Variants in FILIP1L observed in about 807,000 individuals in gnomAD.
The protein encoded by FILIP1L is filamin A-interacting protein 1-like.
A neutral mutation model predicts 96.6 loss-of-function variants in FILIP1L; 55 were observed. The observed-to-expected ratio is 0.57, with a 90% confidence interval of 0.46 to 0.71. The LOEUF (loss-of-function observed/expected upper bound fraction) is 0.71, where lower values mean the gene tolerates loss of function less well. Among genes scored for constraint, FILIP1L ranks in the 30% least tolerant of loss-of-function variants. The pLI is 0.00. For synonymous variants in FILIP1L, 467 were observed against 473.9 expected, an observed-to-expected ratio of 0.99 and a Z score of 0.19; for missense variants, 1,304 against 1,321.2, an observed-to-expected ratio of 0.99 and a Z score of 0.20.
At position 99,849,805 on chromosome 3, in the gene FILIP1L, T is replaced by G. The variant is rs770688390; in HGVS notation, c.1871A>C (p.Lys624Thr). 6 of 1,612,908 alleles carry G rather than the reference T, an allele frequency of 3.7e-6. No individual in the cohort carries two copies. The South Asian group carries it at 6.6e-5, about 18-fold the overall frequency. ...STTALHQENN[K>T]IKELSQEVER... ...CACTTCTTGAGAGAGCTCCTTAATC[T>G]TATTGTTTTCTTGGTGTAATGCTGT... Residue 624 changes from lysine (K) to threonine (T), a missense_variant, in exon 5 of 6, where the codon AAG becomes ACG. Physicochemically the swap from Lys to Thr is moderately conservative, Grantham distance 78. Coordinates refer to ENST00000477258, the MANE Select transcript of FILIP1L (RefSeq NM_001387850.1).
At chr3:99,862,740 T>C (rs1292002250) in intron 4 of FILIP1L, among the ~76,000 whole-genome samples, 2 of 152,210 alleles carry the variant, frequency 1.3e-5, no homozygotes, top group Non-Finnish European at 2.9e-5. Flanking sequence ...ATTCTTTGTG[T>C]TCGTTGTCTC....
intron 1 of FILIP1L, among the ~76,000 whole-genome samples, chr3:100,073,265 T>C (rs2107379143): frequency 6.6e-6 from 1 of 152,310 alleles, no homozygotes. Flanking sequence ...ATTATCTGAC[T>C]ATTTTCATCC....
chr3:100,012,097 A>G (rs1207975751), intron 1 of FILIP1L, among the ~76,000 whole-genome samples: 1 of 152,208 alleles, frequency 6.6e-6, no homozygotes, highest in African/African-American at 2.4e-5. Flanking sequence ...CATTGAACTC[A>G]AAAGTATTCA....
chr3:100,075,888 G>T (rs938837178), intron 1 of FILIP1L, among the ~76,000 whole-genome samples: 14 of 151,992 alleles, frequency 9.2e-5, no homozygotes, highest in Non-Finnish European at 1.9e-4. Context: ...ATCCTTCTGG[G>T]GTATTAGGAT....
Position 99,848,626 on chromosome 3 carries a change from C to G in FILIP1L, c.3050G>C (p.Gly1017Ala). ...GATTTCTGTTGGTTCTGGGGAGCGT[C>G]CCTGCTCAGGAGAGCTAGCTGAACC... The part of the protein sequence containing the change: ...VTGSASSPEQ[G>A]RSPEPTEISA... The change falls in exon 5 of 6, where the codon GGA becomes GCA. Residue 1017 changes from glycine (G) to alanine (A), a missense_variant. Coordinates refer to ENST00000477258, the MANE Select transcript of FILIP1L (RefSeq NM_001387850.1). 1 of 1,614,164 alleles carries G rather than the reference C, an allele frequency of 6.2e-7. No individual in the cohort carries two copies. Among genetic ancestry groups the G allele is most frequent in the South Asian group, 1.1e-5 (1 of 91,084 alleles).
At chr3:100,111,936 G>A (rs181818707) in intron 1 of FILIP1L, among the ~76,000 whole-genome samples, 8 of 152,268 alleles carry the variant, frequency 5.3e-5, no homozygotes, top group Admixed American at 2.0e-4. Context: ...CAAATCACTA[G>A]TAATCAGACT....
intron 4 of FILIP1L, among the ~76,000 whole-genome samples, chr3:99,873,051 A>C (rs1432695527): frequency 6.6e-6 from 1 of 152,178 alleles, no homozygotes; most frequent in Non-Finnish European, 1.5e-5. Context: ...GAAAATGACC[A>C]GCCATAGGAG....
chr3:99,864,682 C>G (rs1167035383), intron 4 of FILIP1L, among the ~76,000 whole-genome samples: 2 of 152,090 alleles, frequency 1.3e-5, no homozygotes, highest in East Asian at 1.9e-4. Context: ...ACCCCTTCTA[C>G]TGTTCTCCTC....
At chr3:99,876,347 G>A in intron 4 of FILIP1L, 3 of 409,924 alleles carry the variant, frequency 7.3e-6, no homozygotes, top group Non-Finnish European at 9.9e-6. Context: ...CCGTGTGAAC[G>A]GACCGTGGTT....
intron 1 of FILIP1L, among the ~76,000 whole-genome samples, chr3:100,063,770 C>A (rs1559744867): frequency 6.6e-6 from 1 of 152,146 alleles, no homozygotes; most frequent in Non-Finnish European, 1.5e-5. Flanking sequence ...TATCAAAACT[C>A]TGGACTTCAG....
chr3:100,067,428 G>A (rs1229516909), intron 1 of FILIP1L, among the ~76,000 whole-genome samples: 1 of 152,148 alleles, frequency 6.6e-6, no homozygotes, highest in Non-Finnish European at 1.5e-5. Flanking sequence ...TGGAATGTCT[G>A]TTGAATCCCT....
intron 1 of FILIP1L, among the ~76,000 whole-genome samples, chr3:100,026,012 GAC>G (rs2064913969): frequency 6.6e-6 from 1 of 152,112 alleles, no homozygotes; most frequent in Non-Finnish European, 1.5e-5. Flanking sequence ...AGGCAATATG[GAC>G]ACAGACTATG....
intron 4 of FILIP1L, among the ~76,000 whole-genome samples, chr3:99,881,130 C>T (rs1424819152): frequency 6.6e-6 from 1 of 152,020 alleles, no homozygotes; most frequent in Non-Finnish European, 1.5e-5. Context: ...ACTTCCTACC[C>T]TTGGTTTACA....
rs1467078216 is a variant in FILIP1L, at chr3:99,930,970, T to G, written c.51A>C (p.Pro17=). 1.9e-6 allele frequency: 3 copies of G among 1,613,710 alleles called. No individual in the cohort carries two copies. The highest frequency in any genetic ancestry group is 1.3e-5 in the African/African-American group (1 of 74,808). Residue 17 remains proline, a synonymous_variant, in exon 2 of 6, where the codon CCA becomes CCC. Coordinates refer to ENST00000477258, the MANE Select transcript of FILIP1L (RefSeq NM_001387850.1). ...DTEGSAQKKF[P]RHTKGHSFQG... Reference sequence around the variant, plus strand: ...GGAAACTGTGGCCTTTAGTATGTCTTGGAAATTTCTTTTGGGCTGAGCCCT... The same window carrying G: ...GGAAACTGTGGCCTTTAGTATGTCTGGGAAATTTCTTTTGGGCTGAGCCCT...
chr3:99,992,015 TA>T lies in FILIP1L; in HGVS notation c.-10-60986del, dbSNP rs565580098. On this transcript the variant is annotated intron_variant, in intron 1 of 5. Coordinates refer to ENST00000477258, the MANE Select transcript of FILIP1L (RefSeq NM_001387850.1). ...ATACGTATATATATGTGTGTGTGTA[TA>T]TATATATATACGTGTATATATATAT... Among the ~76,000 whole-genome samples, 404 of 148,866 alleles carry T rather than the reference TA, an allele frequency of 2.7e-3. 1 individual carries two copies. The highest frequency in any genetic ancestry group is 7.4e-3 in the South Asian group (35 of 4,758).
chr3:100,017,758 C>T (rs1251291024), intron 1 of FILIP1L, among the ~76,000 whole-genome samples: 1 of 151,898 alleles, frequency 6.6e-6, no homozygotes, highest in Non-Finnish European at 1.5e-5. Context: ...GACACTGTCT[C>T]TAAAAATAAT....
intron 4 of FILIP1L, among the ~76,000 whole-genome samples, chr3:99,906,522 AT>A (rs1420294683): frequency 1.3e-5 from 2 of 152,164 alleles, no homozygotes; most frequent in Non-Finnish European, 2.9e-5. Flanking sequence ...TAACTTATTT[AT>A]TTCAATAAAG....
At chr3:100,091,213 A>C (rs1043437231) in intron 1 of FILIP1L, among the ~76,000 whole-genome samples, 1 of 151,044 alleles carries the variant, frequency 6.6e-6, no homozygotes, top group African/African-American at 2.4e-5. Flanking sequence ...TGAACCTGGA[A>C]GGCGGAACTT....
chr3:99,896,810 A>G (rs1355450080), intron 4 of FILIP1L, among the ~76,000 whole-genome samples: 1 of 152,216 alleles, frequency 6.6e-6, no homozygotes, highest in Non-Finnish European at 1.5e-5. Flanking sequence ...ATTCATAAGC[A>G]ATGTTGCCTA....
Sources: gnomAD v4.1 joint callset for allele counts (sites outside exome capture counted in the v4.1 genomes callset) on GRCh38, gnomAD v4.1.1 for gene constraint, MANE v1.5 for transcripts, NCBI Gene and HGNC (gene_info 2026-07-23, HGNC 2026-07-21) for gene names.